Variants in KCNH1 observed in about 807,000 individuals in gnomAD.
KCNH1 encodes the protein voltage-gated delayed rectifier potassium channel KCNH1.
A neutral mutation model predicts 69.2 loss-of-function variants in KCNH1; 27 were observed. The observed-to-expected ratio is 0.39, with a 90% CI of 0.29 to 0.54. KCNH1 has a LOEUF of 0.54. Among genes scored for constraint, KCNH1 ranks in the 20% least tolerant of loss-of-function variants. The probability of loss-of-function intolerance (pLI) is 0.68; values close to 1 mark genes in which losing one functional copy is unlikely to be tolerated. For synonymous variants in KCNH1, 456 were observed against 487.7 expected, an observed-to-expected ratio of 0.93 and a Z score of 0.86; for missense variants, 798 against 1,261.6, an observed-to-expected ratio of 0.63 and a Z score of 5.57.
chr1:211,118,291 A>AC (rs1691621821), intron 1 of KCNH1, among the ~76,000 whole-genome samples: 1 of 152,352 alleles, frequency 6.6e-6, no homozygotes, highest in East Asian at 1.9e-4. Flanking sequence ...TCAGCCAATA[A>AC]CCCATTCTGA....
At chr1:210,965,722 G>T (rs1019926609) in intron 6 of KCNH1, among the ~76,000 whole-genome samples, 2 of 152,104 alleles carry the variant, frequency 1.3e-5, no homozygotes, top group Admixed American at 1.3e-4. Context: ...ACTGCTCAAG[G>T]AAATAAGAGA....
chr1:210,888,828 A>C (rs989058808), intron 7 of KCNH1, among the ~76,000 whole-genome samples: 2 of 152,238 alleles, frequency 1.3e-5, no homozygotes, highest in African/African-American at 2.4e-5. Context: ...TCCTGGACAC[A>C]TATACCCCCC....
chr1:211,065,294 A>G (rs80174815), intron 5 of KCNH1, among the ~76,000 whole-genome samples: 6,671 of 152,332 alleles, frequency 0.044, 267 homozygotes, highest in East Asian at 0.12. Context: ...ACAACGGAAT[A>G]TTCAGCCATA....
intron 6 of KCNH1, among the ~76,000 whole-genome samples, chr1:210,925,293 G>A (rs1687544931): frequency 6.6e-6 from 1 of 152,240 alleles, no homozygotes. Context: ...GATGGACAGA[G>A]CAGCATGTGG....
chr1:211,085,010 G>A (rs539531160), intron 4 of KCNH1, among the ~76,000 whole-genome samples: 11 of 152,196 alleles, frequency 7.2e-5, no homozygotes, highest in Non-Finnish European at 1.5e-4. Context: ...ACAGAATGCT[G>A]TGGCCAAGAC....
At chr1:210,883,921 G>C (rs1686547872) in intron 7 of KCNH1, among the ~76,000 whole-genome samples, 1 of 152,196 alleles carries the variant, frequency 6.6e-6, no homozygotes, top group African/African-American at 2.4e-5. Flanking sequence ...TGAAACCAAG[G>C]GCCTAGATTA....
chr1:210,780,450 C>A (rs1271304903), intron 9 of KCNH1, among the ~76,000 whole-genome samples: 1 of 152,140 alleles, frequency 6.6e-6, no homozygotes, highest in Non-Finnish European at 1.5e-5. Flanking sequence ...TTCAGTCATT[C>A]ATGCAACTTT....
intron 6 of KCNH1, among the ~76,000 whole-genome samples, chr1:211,000,639 C>T (rs1689157531): frequency 2.0e-5 from 3 of 152,262 alleles, no homozygotes; most frequent in South Asian, 4.1e-4. Flanking sequence ...CAATGACTTT[C>T]TTCACAAAAT....
At chr1:210,864,858 A>T (rs1023363889) in intron 7 of KCNH1, among the ~76,000 whole-genome samples, 42 of 152,242 alleles carry the variant, frequency 2.8e-4, no homozygotes, top group Non-Finnish European at 1.3e-4. Context: ...GAGCCAGTTC[A>T]TTCACATAAC....
intron 7 of KCNH1, among the ~76,000 whole-genome samples, chr1:210,852,249 G>A (rs962414246): frequency 2.0e-5 from 3 of 152,200 alleles, no homozygotes; most frequent in Non-Finnish European, 4.4e-5. Context: ...GGCCCAGAGG[G>A]AAGGAGGGGC....
chr1:210,853,357 G>T (rs1345904938), intron 7 of KCNH1, among the ~76,000 whole-genome samples: 1 of 152,208 alleles, frequency 6.6e-6, no homozygotes, highest in Non-Finnish European at 1.5e-5. Flanking sequence ...CCAAGTTTGA[G>T]ATGCAGCAAA....
rs377712276 is a variant in KCNH1 at position 211,077,139 on chromosome 1, G to A, written c.558+5641C>T. 1.1e-3 allele frequency among the ~76,000 whole-genome samples: 174 copies of A among 152,306 alleles called. 2 individuals carry two copies. In the South Asian group the frequency reaches 0.016, roughly 14 times the overall value. ...AAGACCAAATCTACATTTGATTGGT[G>A]TACCTGAAACTGATGGGGAGAATGG... On this transcript the variant is annotated intron_variant, in intron 5 of 10. Transcript: ENST00000271751.
intron 6 of KCNH1, among the ~76,000 whole-genome samples, chr1:210,989,717 C>T (rs1034056463): frequency 2.6e-5 from 4 of 152,160 alleles, no homozygotes; most frequent in Non-Finnish European, 5.9e-5. Flanking sequence ...TGAAAACCAT[C>T]GGGGCTCTCA....
chr1:211,011,829 C>T (rs12566441), intron 6 of KCNH1, among the ~76,000 whole-genome samples: 6,663 of 152,268 alleles, frequency 0.044, 248 homozygotes, highest in East Asian at 0.18. Flanking sequence ...TAACAAGAGG[C>T]ATGTCTCCTC....
At chr1:211,019,599 A>G (rs962396684) in intron 5 of KCNH1, among the ~76,000 whole-genome samples, 3 of 152,186 alleles carry the variant, frequency 2.0e-5, no homozygotes, top group African/African-American at 7.2e-5. Context: ...CTATTAGCCA[A>G]TTATTATTCC....
intron 10 of KCNH1, among the ~76,000 whole-genome samples, chr1:210,739,441 C>T (rs912410783): frequency 3.9e-5 from 6 of 152,142 alleles, no homozygotes; most frequent in Non-Finnish European, 8.8e-5. Context: ...AGCTAGAGGC[C>T]CCCACTAGAC....
chr1:210,759,747 GAA>G, intron 10 of KCNH1, among the ~76,000 whole-genome samples: 1 of 152,300 alleles, frequency 6.6e-6, no homozygotes, highest in South Asian at 2.1e-4. Flanking sequence ...AAGCAACTTG[GAA>G]AATATATTTG....
intron 10 of KCNH1, among the ~76,000 whole-genome samples, chr1:210,701,688 A>T (rs2149011304): frequency 6.6e-6 from 1 of 151,554 alleles, no homozygotes; most frequent in South Asian, 2.1e-4. Flanking sequence ...AATTTATTTC[A>T]CATATTTGAA....
chr1:210,705,330 C>A (rs1039233535), intron 10 of KCNH1, among the ~76,000 whole-genome samples: 22 of 152,186 alleles, frequency 1.4e-4, no homozygotes, highest in South Asian at 6.2e-4. Flanking sequence ...GAACTGCAGG[C>A]CTCACAAGTC....
Sources: allele counts gnomAD v4.1 joint callset (sites outside exome capture counted in the v4.1 genomes callset), GRCh38; gene constraint gnomAD v4.1.1; transcripts MANE v1.5; gene names NCBI Gene and HGNC (gene_info 2026-07-23, HGNC 2026-07-21).